The following TTC39A variants were observed in gnomAD, a reference collection of about 807,000 sequenced individuals.
TTC39A encodes tetratricopeptide repeat domain 39A, also known as tetratricopeptide repeat protein 39A.
In TTC39A, 46 loss-of-function variants were observed where a neutral mutation model predicts 82.3. The ratio of observed to expected loss-of-function variants is 0.56; its 90% CI spans 0.44 to 0.71. The LOEUF (loss-of-function observed/expected upper bound fraction) is 0.71, where lower values mean the gene tolerates loss of function less well. Among genes scored for constraint, TTC39A ranks in the 30% least tolerant of loss-of-function variants. The probability of loss-of-function intolerance (pLI) is 0.00; values close to 1 mark genes in which losing one functional copy is unlikely to be tolerated. For synonymous variants in TTC39A, 254 were observed against 275.2 expected, an observed-to-expected ratio of 0.92 and a Z score of 0.76; for missense variants, 543 against 712.9, an observed-to-expected ratio of 0.76 and a Z score of 2.71.
intron 14 of TTC39A, among the ~76,000 whole-genome samples, chr1:51,293,318 T>C (rs1026396615): frequency 2.6e-5 from 4 of 152,122 alleles, no homozygotes; most frequent in Non-Finnish European, 5.9e-5. Context: ...CTGCCTGCCT[T>C]AGCCTCCCAA....
At position 51,294,136 on chromosome 1, in the gene TTC39A, T is replaced by C. The variant is rs1371392403; in HGVS notation, c.1266+255A>G. On this transcript the variant is annotated intron_variant, in intron 14 of 17. Coordinates refer to ENST00000680483, the MANE Select transcript of TTC39A (RefSeq NM_001297663.2). The surrounding 1 kb of genome is among the most constrained non-coding windows in gnomAD (Gnocchi z 4.3). ...ATGCCGCTGCCTGGGCACATGGACA[T>C]GGGGCTCTCTGTCCAGGAGGGTGTC... 6.6e-6 allele frequency among the ~76,000 whole-genome samples: 1 copy of C among 152,140 alleles called. No individual in the cohort carries two copies. The highest frequency in any genetic ancestry group is 1.5e-5 in the Non-Finnish European group (1 of 68,016).
rs376330038 is a variant in TTC39A, at chr1:51,327,405, C to T, written c.41+3032G>A. ...GATTGTGACTCTCCTTCCAAAGAGT[C>T]CCCCTTAGCTGCACATAAATGTGTC... On this transcript the variant is annotated intron_variant, in intron 1 of 17. Transcript: ENST00000680483. 3.3e-5 allele frequency among the ~76,000 whole-genome samples: 5 copies of T among 152,288 alleles called. No homozygotes were observed. In the East Asian group the frequency reaches 9.6e-4, roughly 29 times the overall value.
At chr1:51,306,746 G>A (rs2148200594) in intron 6 of TTC39A, among the ~76,000 whole-genome samples, 1 of 152,178 alleles carries the variant, frequency 6.6e-6, no homozygotes, top group Non-Finnish European at 1.5e-5. Context: ...CATTTTGAAG[G>A]CTTTCAATTA....
intron 14 of TTC39A, among the ~76,000 whole-genome samples, chr1:51,292,989 A>C (rs951835073): frequency 1.3e-5 from 2 of 152,058 alleles, no homozygotes; most frequent in Admixed American, 6.5e-5. Context: ...ATTCTCCCCT[A>C]AGTTTTTGGT....
intron 1 of TTC39A, among the ~76,000 whole-genome samples, chr1:51,337,911 A>G (rs1355628969): frequency 6.6e-6 from 1 of 150,870 alleles, no homozygotes; most frequent in Non-Finnish European, 1.5e-5. Context: ...GTCTCACTAT[A>G]TCGCCCAGGC....
intron 8 of TTC39A, among the ~76,000 whole-genome samples, chr1:51,304,877 G>A (rs983785598): frequency 6.6e-6 from 1 of 152,208 alleles, no homozygotes; most frequent in Non-Finnish European, 1.5e-5. Flanking sequence ...CACCCTGGGA[G>A]GGCCAGGCAG....
chr1:51,307,013 T>C (rs1644896634), intron 6 of TTC39A, among the ~76,000 whole-genome samples: 1 of 152,028 alleles, frequency 6.6e-6, no homozygotes, highest in South Asian at 2.1e-4. Context: ...GCAGAAAGTG[T>C]TTCTGACAGA....
chr1:51,302,629 T>G, intron 9 of TTC39A, 56 bp from the exon 10 acceptor site: 1 of 1,553,300 alleles, frequency 6.4e-7, no homozygotes, highest in Non-Finnish European at 8.7e-7. Context: ...GCTCCTGTGA[T>G]CCTGCCAGCA....
chr1:51,295,207 T>C (rs1644369702), intron 13 of TTC39A, among the ~76,000 whole-genome samples: 3 of 152,156 alleles, frequency 2.0e-5, no homozygotes. Flanking sequence ...TTTCCTCATC[T>C]CTAAAATGGA....
At position 51,309,559 on chromosome 1, in the gene TTC39A, G is replaced by C. The variant is rs1022373090; in HGVS notation, c.424-234C>G. On this transcript the variant is annotated intron_variant, in intron 5 of 17. Transcript: ENST00000680483. The stretch of plus-strand genomic sequence containing the variant: ...TACTCTGTGCTTGGAGAGAGGCCTG[G>C]AGGGGCCACGCCCAGTGATTAACAG... The C allele has an allele frequency of 2.3e-5, 21 of 902,758 alleles. No homozygotes were observed. In the South Asian group the frequency reaches 4.9e-4, roughly 21 times the overall value. 55.9% of individuals were successfully genotyped at this position (902,758 alleles called of 1,614,324 possible).
chr1:51,344,790 C>T (rs1031060487), intron 1 of TTC39A, among the ~76,000 whole-genome samples: 2 of 152,260 alleles, frequency 1.3e-5, no homozygotes, highest in Non-Finnish European at 2.9e-5. Context: ...CCCCAGTTCC[C>T]GCCCTGCTGG....
intron 3 of TTC39A, 51 bp from the exon 4 acceptor site, chr1:51,312,246 T>C: frequency 2.7e-6 from 4 of 1,508,586 alleles, no homozygotes; most frequent in Non-Finnish European, 3.6e-6. Flanking sequence ...GAGGCCACAC[T>C]TGTCTCTGCC....
chr1:51,344,212 G>A (rs921573687), intron 1 of TTC39A, among the ~76,000 whole-genome samples: 2 of 152,190 alleles, frequency 1.3e-5, no homozygotes, highest in Non-Finnish European at 2.9e-5. Flanking sequence ...GGTGTTCATA[G>A]GACAGTCAGA....
chr1:51,334,053 C>T (rs1234455221), upstream of TTC39A, among the ~76,000 whole-genome samples: 1 of 152,022 alleles, frequency 6.6e-6, no homozygotes, highest in East Asian at 1.9e-4. Context: ...CAAGGTTGCT[C>T]CGAGTATTAA....
In TTC39A at chr1:51,309,252, C is replaced by T. The variant is rs757638861; in HGVS notation, c.488+9G>A. 7.5e-6 allele frequency: 12 copies of T among 1,602,840 alleles called. No homozygotes were observed. Among genetic ancestry groups the T allele is most frequent in the South Asian group, 2.3e-5 (2 of 88,808 alleles). On this transcript the variant is annotated intron_variant, in intron 6 of 17. Transcript: ENST00000680483. ...GTCTCCCCACAAGCGGATGGCCAGCCCCACTCACTTGTAGGTCTGGTAGCT... is the reference window on the plus strand; with the variant it reads ...GTCTCCCCACAAGCGGATGGCCAGCTCCACTCACTTGTAGGTCTGGTAGCT...
At chr1:51,307,913 T>G (rs908088259) in intron 6 of TTC39A, among the ~76,000 whole-genome samples, 1 of 152,180 alleles carries the variant, frequency 6.6e-6, no homozygotes, top group Non-Finnish European at 1.5e-5. Flanking sequence ...TCGCCATGAA[T>G]TCTTTTCCTC....
chr1:51,334,507 CA>C (rs542125300), upstream of TTC39A, among the ~76,000 whole-genome samples: 3 of 151,046 alleles, frequency 2.0e-5, no homozygotes, highest in Non-Finnish European at 3.0e-5. Context: ...CCATCTAAAA[CA>C]AAAAAAAGCC....
intron 2 of TTC39A, among the ~76,000 whole-genome samples, chr1:51,316,861 C>T (rs537007751): frequency 6.6e-6 from 1 of 152,304 alleles, no homozygotes; most frequent in East Asian, 1.9e-4. Context: ...GTAAATGACG[C>T]CAACCCAAGG....
chr1:51,327,992 C>T (rs565247661), intron 1 of TTC39A, among the ~76,000 whole-genome samples: 6 of 152,266 alleles, frequency 3.9e-5, no homozygotes, highest in South Asian at 2.1e-4. Flanking sequence ...CAACTGCGTG[C>T]GGCTTTACCA....
Sources: gnomAD v4.1 joint callset for allele counts (sites outside exome capture counted in the v4.1 genomes callset) on GRCh38, gnomAD v4.1.1 for gene constraint, Gnocchi (gnomAD v3.1) non-coding constraint, MANE v1.5 for transcripts, NCBI Gene and HGNC (gene_info 2026-07-23, HGNC 2026-07-21) for gene names.